IL15: variants seen among roughly 807,000 people sequenced by gnomAD.
The protein encoded by IL15 is interleukin-15.
In IL15, 11 loss-of-function variants were observed where a neutral mutation model predicts 19.6. The ratio of observed to expected loss-of-function variants is 0.56; its 90% CI spans 0.35 to 0.93. The LOEUF (loss-of-function observed/expected upper bound fraction) is 0.93. Among genes scored for constraint, IL15 ranks in the 40% least tolerant of loss-of-function variants. The pLI is 0.01. For synonymous variants in IL15, 58 were observed against 59.6 expected (o/e 0.97, Z 0.12); for missense variants, 197 against 186.5 (o/e 1.06, Z -0.33).
chr4:141,703,086 A>C (rs1284429122), intron 2 of IL15, among the ~76,000 whole-genome samples: 1 of 152,216 alleles, frequency 6.6e-6, no homozygotes, highest in African/African-American at 2.4e-5. Context: ...TGGCAAGGCC[A>C]ATCTCACTCC....
chr4:141,654,345 C>T (rs1384510425), intron 1 of IL15, among the ~76,000 whole-genome samples: 3 of 152,206 alleles, frequency 2.0e-5, no homozygotes, highest in Non-Finnish European at 4.4e-5. Context: ...AAGCATTTAT[C>T]AGGAGGGGCT....
intron 2 of IL15, among the ~76,000 whole-genome samples, chr4:141,702,900 G>T (rs1195530584): frequency 3.9e-5 from 6 of 152,206 alleles, no homozygotes; most frequent in Admixed American, 2.6e-4. Context: ...GTGGGTCTGA[G>T]CTCAGACTCC....
chr4:141,692,458 C>T (rs1728945507), intron 2 of IL15, among the ~76,000 whole-genome samples: 1 of 152,188 alleles, frequency 6.6e-6, no homozygotes, highest in African/African-American at 2.4e-5. Flanking sequence ...ATTTTCCAAA[C>T]TTTTATGCTT....
At chr4:141,714,019 G>A (rs915205622) in intron 2 of IL15, among the ~76,000 whole-genome samples, 3 of 151,940 alleles carry the variant, frequency 2.0e-5, no homozygotes, top group Non-Finnish European at 4.4e-5. Flanking sequence ...CCTTCAAAAG[G>A]TCAGGCTCTC....
chr4:141,664,342 A>ACACACAC (rs1157673858), intron 2 of IL15, among the ~76,000 whole-genome samples: 1 of 130,950 alleles, frequency 7.6e-6, no homozygotes, highest in Non-Finnish European at 1.6e-5. Flanking sequence ...TGGTGGGCAA[A>ACACACAC]ACACACACAC....
chr4:141,686,284 A>G (rs1052671354), intron 2 of IL15, among the ~76,000 whole-genome samples: 10 of 146,792 alleles, frequency 6.8e-5, no homozygotes, highest in African/African-American at 2.6e-4. Flanking sequence ...AACAAGAGCA[A>G]GAGTTCATCT....
At position 141,678,172 on chromosome 4, in the gene IL15, T is replaced by C. The variant is rs142662698; in HGVS notation, c.-100+21865T>C. Reference sequence around the variant, plus strand: ...CCTGTAAAATAGGAGATCCAGATGGTCAGAAATGCATACGTTAGGTTTTGT... The same window carrying C: ...CCTGTAAAATAGGAGATCCAGATGGCCAGAAATGCATACGTTAGGTTTTGT... On this transcript the variant is annotated intron_variant, in intron 2 of 7. Coordinates refer to ENST00000320650, the MANE Select transcript of IL15 (RefSeq NM_000585.5). Among the ~76,000 whole-genome samples, 291 of 152,326 alleles carry C rather than the reference T, an allele frequency of 1.9e-3. 2 individuals are homozygous for C. Among genetic ancestry groups the C allele is most frequent in the Admixed American group, 3.1e-3 (48 of 15,298 alleles).
At chr4:141,649,692 C>T (rs1209489898) in intron 1 of IL15, among the ~76,000 whole-genome samples, 1 of 152,008 alleles carries the variant, frequency 6.6e-6, no homozygotes, top group East Asian at 1.9e-4. Flanking sequence ...GCTAACATAA[C>T]ACAACAGTAA....
chr4:141,720,397 G>T (rs1194150529), intron 3 of IL15, 72 bp from the exon 4 acceptor site: 5 of 765,418 alleles, frequency 6.5e-6, no homozygotes, highest in Non-Finnish European at 1.2e-5. Flanking sequence ...CTAAAAATAT[G>T]TTGACATGTT....
chr4:141,649,485 T>A (rs966255005), intron 1 of IL15, among the ~76,000 whole-genome samples: 1 of 152,016 alleles, frequency 6.6e-6, no homozygotes, highest in Non-Finnish European at 1.5e-5. Flanking sequence ...GCACACTTCC[T>A]ATAGAGGGTG....
chr4:141,732,586 C>G, intron 7 of IL15, 152 bp from the exon 8 acceptor site: 2 of 991,746 alleles, frequency 2.0e-6, no homozygotes, highest in Non-Finnish European at 2.9e-6. Flanking sequence ...TCTCTTTCCT[C>G]GTAGTTCTTC....
intron 1 of IL15, among the ~76,000 whole-genome samples, chr4:141,644,396 G>C (rs1415817222): frequency 1.3e-5 from 2 of 152,058 alleles, no homozygotes; most frequent in African/African-American, 4.8e-5. Context: ...CTCCTCCTAG[G>C]CTGCTGGAGA....
chr4:141,699,301 TG>T (rs1224271434), intron 2 of IL15, among the ~76,000 whole-genome samples: 4 of 152,236 alleles, frequency 2.6e-5, no homozygotes, highest in Non-Finnish European at 5.9e-5. Context: ...ATGTATATTC[TG>T]TGGTTGTTGG....
chr4:141,646,156 CA>C (rs1190306293), intron 1 of IL15, among the ~76,000 whole-genome samples: 1 of 151,956 alleles, frequency 6.6e-6, no homozygotes, highest in East Asian at 1.9e-4. Context: ...GATTATCCAC[CA>C]CAAAGGGTAA....
intron 2 of IL15, among the ~76,000 whole-genome samples, chr4:141,661,967 G>A (rs1727806450): frequency 6.6e-6 from 1 of 152,026 alleles, no homozygotes; most frequent in Admixed American, 6.6e-5. Context: ...CTGTTCCATG[G>A]ATTATTTAAA....
At chr4:141,652,675 C>T (rs910304120) in intron 1 of IL15, among the ~76,000 whole-genome samples, 11 of 152,084 alleles carry the variant, frequency 7.2e-5, no homozygotes, top group Non-Finnish European at 1.2e-4. Flanking sequence ...GAATAATAAA[C>T]AATTAGAAGA....
At chr4:141,648,791 A>G (rs1388448268) in intron 1 of IL15, among the ~76,000 whole-genome samples, 1 of 152,078 alleles carries the variant, frequency 6.6e-6, no homozygotes, top group African/African-American at 2.4e-5. Context: ...GCCTTTCTTA[A>G]GTCAAACCAT....
chr4:141,645,431 T>A (rs1000492245), intron 1 of IL15, among the ~76,000 whole-genome samples: 1 of 152,170 alleles, frequency 6.6e-6, no homozygotes, highest in East Asian at 1.9e-4. Context: ...AAACTACTTA[T>A]TTCTTGGAGA....
chr4:141,699,851 T>G (rs900262490), intron 2 of IL15, among the ~76,000 whole-genome samples: 1 of 152,212 alleles, frequency 6.6e-6, no homozygotes, highest in African/African-American at 2.4e-5. Flanking sequence ...TACTGTTCTA[T>G]TCATCATGTT....
Sources: allele counts gnomAD v4.1 joint callset (sites outside exome capture counted in the v4.1 genomes callset), GRCh38; gene constraint gnomAD v4.1.1; transcripts MANE v1.5; gene names NCBI Gene and HGNC (gene_info 2026-07-23, HGNC 2026-07-21).